The following EGFR variants were observed in gnomAD, a reference collection of about 807,000 sequenced individuals.
EGFR encodes the protein avian erythroblastic leukemia viral (v-erb-b) oncogene homolog.
A neutral mutation model predicts 143.0 loss-of-function variants in EGFR; 58 were observed. That is an observed-to-expected ratio of 0.41 (90% CI 0.33 to 0.50). The LOEUF is 0.50. Ranked by LOEUF, EGFR falls within the 20% of genes least tolerant of loss-of-function variation. The pLI is 0.39. For missense variants in EGFR, 1,307 were observed against 1,579.0 expected (o/e 0.83, Z 2.92); for synonymous variants, 613 against 594.4 (o/e 1.03, Z -0.45).
intron 19 of EGFR, among the ~76,000 whole-genome samples, chr7:55,175,614 G>C (rs548808931): frequency 1.3e-5 from 2 of 152,278 alleles, no homozygotes; most frequent in East Asian, 3.9e-4. Context: ...GAGGTCAAGG[G>C]GCTCAGGCAG....
At chr7:55,131,697 G>A (rs2128920422) in intron 1 of EGFR, among the ~76,000 whole-genome samples, 1 of 152,314 alleles carries the variant, frequency 6.6e-6, no homozygotes. Flanking sequence ...TCCTGCTCCT[G>A]TCAGTACTGA....
At chr7:55,080,753 C>G (rs1355483700) in intron 1 of EGFR, among the ~76,000 whole-genome samples, 1 of 152,128 alleles carries the variant, frequency 6.6e-6, no homozygotes, top group Non-Finnish European at 1.5e-5. Context: ...CTTGATGTAG[C>G]CATTCCACAA....
intron 1 of EGFR, among the ~76,000 whole-genome samples, chr7:55,045,952 A>T (rs1383587380): frequency 6.6e-6 from 1 of 152,242 alleles, no homozygotes; most frequent in Non-Finnish European, 1.5e-5. Context: ...ATAAAATCTC[A>T]TTGATAACTT....
rs866758512 is a variant in EGFR, at chr7:55,067,882, G to A, written c.88+48517G>A. Among the ~76,000 whole-genome samples the A allele has an allele frequency of 6.6e-5, 10 of 151,054 alleles. No homozygotes were observed. The South Asian group carries it at 1.0e-3, about 16-fold the overall frequency. On this transcript the variant is annotated intron_variant, in intron 1 of 27. Coordinates refer to ENST00000275493, the MANE Select transcript of EGFR (RefSeq NM_005228.5). ...TGTGTCTGTGTGTCTCTGTGTATACGTGTGTGTACATGTGTGTACGTGTGT... is the reference window on the plus strand; with the variant it reads ...TGTGTCTGTGTGTCTCTGTGTATACATGTGTGTACATGTGTGTACGTGTGT...
chr7:55,164,554 G>T (rs1028133023), intron 14 of EGFR, among the ~76,000 whole-genome samples: 1 of 152,136 alleles, frequency 6.6e-6, no homozygotes, highest in African/African-American at 2.4e-5. Flanking sequence ...TTAAATTTCT[G>T]TCATTAAAAT....
chr7:55,109,607 T>C (rs931429536), intron 1 of EGFR: 2 of 362,950 alleles, frequency 5.5e-6, no homozygotes, highest in Non-Finnish European at 7.7e-6. Context: ...CTTTCCCATG[T>C]GAGTCATTGC....
chr7:55,036,911 C>T (rs1195412937), intron 1 of EGFR, among the ~76,000 whole-genome samples: 1 of 152,202 alleles, frequency 6.6e-6, no homozygotes, highest in Non-Finnish European at 1.5e-5. Context: ...AGCTCCCTTC[C>T]TTGTCTGTTC....
In EGFR at chr7:55,198,771, C is replaced by T. The variant is rs2128968730; in HGVS notation, c.2756C>T (p.Pro919Leu). The T allele has an allele frequency of 1.2e-6, 2 of 1,614,202 alleles. No homozygotes were observed. Among genetic ancestry groups the T allele is most frequent in the South Asian group, 2.2e-5 (2 of 91,074 alleles). ...GGATCCAAGCCATATGACGGAATCC[C>T]TGCCAGCGAGATCTCCTCCATCCTG... ...TFGSKPYDGIPASEISSILEK... is the reference protein window; with the variant it reads ...TFGSKPYDGILASEISSILEK... Residue 919 changes from proline to leucine, a missense_variant, in exon 23 of 28, where the codon CCT (proline) becomes CTT (leucine). Around this residue, in one of 7 missense-constraint regions of EGFR, gnomAD observed 348 missense variants for 451.5 expected, o/e 0.77. Transcript: ENST00000275493.
At chr7:55,073,459 A>G (rs1789950555) in intron 1 of EGFR, among the ~76,000 whole-genome samples, 1 of 152,184 alleles carries the variant, frequency 6.6e-6, no homozygotes, top group Admixed American at 6.5e-5. Flanking sequence ...TGCTTTTCTC[A>G]GTGTGTACAT....
At chr7:55,060,783 C>A (rs976320316) in intron 1 of EGFR, among the ~76,000 whole-genome samples, 12 of 152,186 alleles carry the variant, frequency 7.9e-5, no homozygotes, top group Admixed American at 7.9e-4. Flanking sequence ...GGTTTTGGGG[C>A]TCTGGATACC....
Position 55,184,115 on chromosome 7 carries a change from G to A in EGFR, c.2469+2637G>A, listed in dbSNP as rs139950453. On this transcript the variant is annotated intron_variant, in intron 20 of 27. Transcript: ENST00000275493. Reference sequence around the variant, plus strand: ...GGGGGCACGTTGCTGGCCTGTCTGCGCCTCGTCTCCCGACTGTGGAGTGTG... The same window carrying A: ...GGGGGCACGTTGCTGGCCTGTCTGCACCTCGTCTCCCGACTGTGGAGTGTG... Among the ~76,000 whole-genome samples, 38 of 152,338 alleles carry A rather than the reference G, an allele frequency of 2.5e-4. No individual in the cohort carries two copies. In the East Asian group the frequency reaches 6.0e-3, roughly 24 times the overall value.
At chr7:55,138,186 T>C (rs1298568618) in intron 1 of EGFR, among the ~76,000 whole-genome samples, 1 of 152,246 alleles carries the variant, frequency 6.6e-6, no homozygotes, top group Non-Finnish European at 1.5e-5. Context: ...TCAGCTTTTC[T>C]ATACATTTAT....
At chr7:55,171,269 G>A (rs145123411) in intron 16 of EGFR, 56 bp downstream of exon 16, 239 of 1,604,314 alleles carry the variant, frequency 1.5e-4, no homozygotes, top group Middle Eastern at 5.0e-4. Flanking sequence ...CCACACTGCT[G>A]TGGGTGAAGA....
intron 1 of EGFR, among the ~76,000 whole-genome samples, chr7:55,029,482 A>T (rs1490120791): frequency 6.6e-6 from 1 of 152,064 alleles, no homozygotes; most frequent in East Asian, 1.9e-4. Flanking sequence ...GTTATGAATT[A>T]GCCTTCACAG....
intron 1 of EGFR, among the ~76,000 whole-genome samples, chr7:55,113,718 TAC>T (rs1269625195): frequency 6.6e-6 from 1 of 152,258 alleles, no homozygotes; most frequent in African/African-American, 2.4e-5. Context: ...TTAATTCTGA[TAC>T]AAACATCCCT....
chr7:55,046,623 A>G (rs1015793), intron 1 of EGFR, among the ~76,000 whole-genome samples: 28,384 of 151,888 alleles, frequency 0.19, 3,156 homozygotes, highest in African/African-American at 0.31. Context: ...GAGGTCAAAC[A>G]TGCTCAGAAA....
At position 55,146,649 on chromosome 7, in the gene EGFR, G is replaced by C. The variant is rs149006234; in HGVS notation, c.468G>C (p.Leu156=). ...TGCGGTTCAGCAACAACCCTGCCCTGTGCAACGTGGAGAGCATCCAGTGGC... is the reference window on the plus strand; with the variant it reads ...TGCGGTTCAGCAACAACCCTGCCCTCTGCAACGTGGAGAGCATCCAGTGGC... ...GAVRFSNNPA[L]CNVESIQWRD... The change falls in exon 4 of 28, where the codon CTG becomes CTC. Residue 156 remains leucine, a synonymous_variant. Transcript: ENST00000275493. The C allele has an allele frequency of 6.2e-7, 1 of 1,614,098 alleles. No individual in the cohort carries two copies. Among genetic ancestry groups the C allele is most frequent in the East Asian group, 2.2e-5 (1 of 44,872 alleles).
intron 1 of EGFR, among the ~76,000 whole-genome samples, chr7:55,035,154 T>A (rs1213261080): frequency 6.6e-6 from 1 of 152,158 alleles, no homozygotes; most frequent in African/African-American, 2.4e-5. Flanking sequence ...GATAAGCATT[T>A]TTTTAGGTGT....
At chr7:55,204,733 ACAC>A (rs1467176483) in intron 27 of EGFR, among the ~76,000 whole-genome samples, 4 of 148,868 alleles carry the variant, frequency 2.7e-5, no homozygotes, top group South Asian at 4.3e-4. Context: ...CACCACACAC[ACAC>A]AACTCATACC....
Sources: gnomAD v4.1 joint callset for allele counts (sites outside exome capture counted in the v4.1 genomes callset) on GRCh38, gnomAD v4.1.1 for gene constraint, gnomAD v4.1.1 regional missense constraint, MANE v1.5 for transcripts, NCBI Gene and HGNC (gene_info 2026-07-23, HGNC 2026-07-21) for gene names.